Variants in RAP1GDS1 observed in about 807,000 individuals in gnomAD.
The protein encoded by RAP1GDS1 is RAP1, GTP-GDP dissociation stimulator 1.
Under a neutral mutation model 71.1 loss-of-function variants are expected in RAP1GDS1, and 35 were observed. That is an observed-to-expected ratio of 0.49 (90% confidence interval 0.38 to 0.65). The LOEUF (loss-of-function observed/expected upper bound fraction) is 0.65. RAP1GDS1 is among the 30% of genes least tolerant of loss of function. RAP1GDS1 has a pLI of 0.00. For synonymous variants in RAP1GDS1, 229 were observed against 243.1 expected, an observed-to-expected ratio of 0.94 and a Z score of 0.54; for missense variants, 663 against 706.1, an observed-to-expected ratio of 0.94 and a Z score of 0.69.
intron 1 of RAP1GDS1, among the ~76,000 whole-genome samples, chr4:98,271,914 G>C (rs990642154): frequency 2.0e-5 from 3 of 152,146 alleles, no homozygotes; most frequent in Admixed American, 1.3e-4. Context: ...TAGAGCAATG[G>C]TTTTCAAACT....
At chr4:98,346,649 A>G (rs1196022979) in intron 3 of RAP1GDS1, among the ~76,000 whole-genome samples, 1 of 151,924 alleles carries the variant, frequency 6.6e-6, no homozygotes, top group African/African-American at 2.4e-5. Flanking sequence ...GGTTCAAGCA[A>G]TTCTCCTGCC....
At chr4:98,329,226 A>AAC (rs1733584829) in intron 2 of RAP1GDS1, among the ~76,000 whole-genome samples, 1 of 152,216 alleles carries the variant, frequency 6.6e-6, no homozygotes, top group South Asian at 2.1e-4. Context: ...GAGAAAATGC[A>AAC]ACTATTTCTA....
intron 9 of RAP1GDS1, among the ~76,000 whole-genome samples, chr4:98,417,942 T>A (rs139062734): frequency 6.4e-4 from 97 of 152,300 alleles, no homozygotes; most frequent in Non-Finnish European, 1.1e-3. Flanking sequence ...TAATAATGTT[T>A]CAGGGGGCGC....
chr4:98,419,001 A>T (rs1416659434), intron 10 of RAP1GDS1, among the ~76,000 whole-genome samples: 1 of 152,238 alleles, frequency 6.6e-6, no homozygotes, highest in African/African-American at 2.4e-5. Context: ...CTTTGCCTTC[A>T]TTCAGATATC....
intron 2 of RAP1GDS1, among the ~76,000 whole-genome samples, chr4:98,302,763 A>G (rs1728748658): frequency 2.0e-5 from 3 of 152,182 alleles, no homozygotes; most frequent in Non-Finnish European, 4.4e-5. Flanking sequence ...AAGGAAAGAA[A>G]GGCCAGGCAT....
At position 98,392,601 on chromosome 4, in the gene RAP1GDS1, C is replaced by T. The variant is rs532587613; in HGVS notation, c.637+521C>T. ...CAGTAGTCCTAGCTACTCAGGAGAC[C>T]GAGGCAGGAGGATCACTTGAGCCCA... On this transcript the variant is annotated intron_variant, in intron 6 of 14. Transcript: ENST00000408927. Among the ~76,000 whole-genome samples the T allele has an allele frequency of 3.3e-5, 5 of 151,964 alleles. No individual in the cohort carries two copies. In the East Asian group the frequency reaches 9.7e-4, roughly 29 times the overall value.
chr4:98,268,592 A>G (rs913111457), intron 1 of RAP1GDS1, among the ~76,000 whole-genome samples: 15 of 152,240 alleles, frequency 9.9e-5, no homozygotes, highest in African/African-American at 3.1e-4. Context: ...GACAAAAACT[A>G]TTAGTCCTAA....
intron 3 of RAP1GDS1, among the ~76,000 whole-genome samples, chr4:98,347,966 CTTT>C (rs1736545002): frequency 6.6e-6 from 1 of 152,038 alleles, no homozygotes; most frequent in African/African-American, 2.4e-5. Flanking sequence ...TAAACATATT[CTTT>C]TTTATTATTA....
chr4:98,299,891 T>C (rs1728323290), intron 2 of RAP1GDS1, among the ~76,000 whole-genome samples: 1 of 152,034 alleles, frequency 6.6e-6, no homozygotes, highest in Non-Finnish European at 1.5e-5. Flanking sequence ...AGTACTAAGA[T>C]TACAGACATG....
At chr4:98,276,479 A>G (rs903445965) in intron 1 of RAP1GDS1, among the ~76,000 whole-genome samples, 5 of 148,002 alleles carry the variant, frequency 3.4e-5, no homozygotes, top group South Asian at 2.1e-4. Context: ...TTTTTTTTAC[A>G]TACCCTTTTT....
intron 2 of RAP1GDS1, among the ~76,000 whole-genome samples, chr4:98,313,068 C>CA (rs556945198): frequency 0.02 from 743 of 38,048 alleles, 47 homozygotes; most frequent in Non-Finnish European, 0.027. Context: ...GACTCTGTCT[C>CA]AAAAAAAAAA....
chr4:98,285,338 T>C (rs1725812740), intron 1 of RAP1GDS1, among the ~76,000 whole-genome samples: 1 of 152,220 alleles, frequency 6.6e-6, no homozygotes, highest in African/African-American at 2.4e-5. Context: ...ATTAATTGAC[T>C]GTTCTAGCAG....
At chr4:98,277,792 T>C in intron 1 of RAP1GDS1, among the ~76,000 whole-genome samples, 1 of 152,252 alleles carries the variant, frequency 6.6e-6, no homozygotes, top group Admixed American at 6.5e-5. Flanking sequence ...TTAACAACAG[T>C]ATCCTATAGT....
chr4:98,315,467 C>T (rs1730801937), intron 2 of RAP1GDS1, among the ~76,000 whole-genome samples: 1 of 152,014 alleles, frequency 6.6e-6, no homozygotes, highest in Admixed American at 6.6e-5. Context: ...TAAGCAGAAC[C>T]AAGGAATGCT....
intron 2 of RAP1GDS1, among the ~76,000 whole-genome samples, chr4:98,316,173 G>A (rs1370011438): frequency 6.6e-6 from 1 of 152,160 alleles, no homozygotes; most frequent in Non-Finnish European, 1.5e-5. Flanking sequence ...GGGTACTGCA[G>A]TAATACTAGA....
intron 3 of RAP1GDS1, 28 bp downstream of exon 3, chr4:98,343,289 C>T (rs765652423): frequency 6.4e-7 from 1 of 1,559,738 alleles, no homozygotes; most frequent in South Asian, 1.1e-5. Context: ...AACTTTTCTG[C>T]TGGGAACGTC....
chr4:98,403,182 A>AGAT (rs1239280811), intron 6 of RAP1GDS1, among the ~76,000 whole-genome samples: 3 of 152,278 alleles, frequency 2.0e-5, no homozygotes, highest in African/African-American at 7.2e-5. Flanking sequence ...CAGGAAGGAG[A>AGAT]GATAATGATA....
At chr4:98,268,990 T>C (rs1468605340) in intron 1 of RAP1GDS1, among the ~76,000 whole-genome samples, 4 of 151,984 alleles carry the variant, frequency 2.6e-5, no homozygotes, top group African/African-American at 9.7e-5. Context: ...AAGATCTGAA[T>C]AGCCAGAATA....
At chr4:98,380,801 T>C (rs1741888465) in intron 5 of RAP1GDS1, among the ~76,000 whole-genome samples, 1 of 151,758 alleles carries the variant, frequency 6.6e-6, no homozygotes, top group Non-Finnish European at 1.5e-5. Flanking sequence ...TTTAGAAATA[T>C]AAATGAAAGA....
Sources: gnomAD v4.1 joint callset for allele counts (sites outside exome capture counted in the v4.1 genomes callset) on GRCh38, gnomAD v4.1.1 for gene constraint, MANE v1.5 for transcripts, NCBI Gene and HGNC (gene_info 2026-07-23, HGNC 2026-07-21) for gene names.